The following CFH variants were observed in gnomAD, a reference collection of about 807,000 sequenced individuals.
CFH encodes complement factor H, also known as H factor 1 (complement).
CFH carries 53 observed loss-of-function variants against 147.3 expected under a neutral mutation model. That is an observed-to-expected ratio of 0.36 (90% CI 0.29 to 0.45). CFH has a LOEUF of 0.45. CFH is among the 20% of genes least tolerant of loss of function. The pLI, the probability that CFH is intolerant of heterozygous loss-of-function variation, is 1.00. For missense variants in CFH, 1,380 were observed against 1,498.0 expected, an observed-to-expected ratio of 0.92 and a Z score of 1.30; for synonymous variants, 536 against 489.4, an observed-to-expected ratio of 1.10 and a Z score of -1.26.
intron 1 of CFH, among the ~76,000 whole-genome samples, chr1:196,661,510 T>C (rs892234359): frequency 3.9e-5 from 6 of 152,218 alleles, no homozygotes; most frequent in African/African-American, 1.2e-4. Flanking sequence ...CTCTGGTTCA[T>C]AGACAGTGCC....
At chr1:196,673,831 A>G in intron 2 of CFH, 26 bp from the exon 3 acceptor site, 2 of 1,421,430 alleles carry the variant, frequency 1.4e-6, no homozygotes, top group South Asian at 2.3e-5. Flanking sequence ...TTACATACTA[A>G]TTCATAACTT....
At chr1:196,735,990 A>G (rs1669393366) in intron 15 of CFH, among the ~76,000 whole-genome samples, 1 of 152,024 alleles carries the variant, frequency 6.6e-6, no homozygotes. Flanking sequence ...ATGATAGGAG[A>G]AAGGAAAATC....
In CFH at chr1:196,743,499, T is replaced by G. The variant is rs1558185764; in HGVS notation, c.3181T>G (p.Ser1061Ala). The G allele has an allele frequency of 1.9e-6, 3 of 1,614,086 alleles. No homozygotes were observed. Among genetic ancestry groups the G allele is most frequent in the Non-Finnish European group, 2.5e-6 (3 of 1,179,946 alleles). Reference sequence around the variant, plus strand: ...CACAGTACAAAATGCTTATATAGTGTCGAGACAGATGAGTAAATATCCATC... The same window carrying G: ...CACAGTACAAAATGCTTATATAGTGGCGAGACAGATGAGTAAATATCCATC... The part of the protein sequence containing the change: ...PPTVQNAYIV[S>A]RQMSKYPSGE... Residue 1061 changes from serine (S) to alanine (A), a missense_variant, in exon 20 of 22, where the codon TCG becomes GCG. Transcript: ENST00000367429.
At chr1:196,726,378 T>A in intron 12 of CFH, 92 bp from the exon 13 acceptor site, 1 of 980,442 alleles carries the variant, frequency 1.0e-6, no homozygotes, top group South Asian at 1.4e-5. Flanking sequence ...GAAGAATACA[T>A]GAATAAAAGA....
intron 5 of CFH, 54 bp from the exon 6 acceptor site, chr1:196,679,567 GGT>G (rs1667579184): frequency 1.5e-6 from 2 of 1,291,714 alleles, no homozygotes; most frequent in Non-Finnish European, 1.1e-6. Flanking sequence ...ATTATGTCCT[GGT>G]CACAGTCCTT....
intron 7 of CFH, among the ~76,000 whole-genome samples, chr1:196,685,516 A>C (rs1667795496): frequency 6.6e-6 from 1 of 152,138 alleles, no homozygotes; most frequent in Non-Finnish European, 1.5e-5. Context: ...TCTAACACAT[A>C]CTATATTAGT....
At chr1:196,658,542 G>A (rs1309966933) in intron 1 of CFH, among the ~76,000 whole-genome samples, 1 of 151,044 alleles carries the variant, frequency 6.6e-6, no homozygotes, top group Non-Finnish European at 1.5e-5. Context: ...CTCCCGAGTA[G>A]CTGGGACTAC....
chr1:196,685,183 G>A lies in CFH; in HGVS notation c.910G>A (p.Gly304Arg). ...AAATGGTTTTTATCCTGCAACCCGG[G>A]GAAATACAGCAAAATGCACAAGTAC... ...CRNGFYPATR[G>R]NTAKCTSTGW... The change falls in exon 7 of 22, where the codon GGA (glycine) becomes AGA (arginine). Residue 304 changes from glycine to arginine, a missense_variant. This residue lies in a region of CFH where 167 missense variants were observed against 228.0 expected (regional missense o/e 0.73). Transcript: ENST00000367429. The A allele has an allele frequency of 1.2e-6, 2 of 1,612,860 alleles. No homozygotes were observed. Among genetic ancestry groups the A allele is most frequent in the South Asian group, 1.1e-5 (1 of 91,068 alleles).
intron 20 of CFH, among the ~76,000 whole-genome samples, chr1:196,744,633 G>A (rs1414331853): frequency 3.3e-5 from 5 of 152,014 alleles, no homozygotes; most frequent in Admixed American, 6.6e-5. Flanking sequence ...CACTCTCCAC[G>A]TTGTAAGTAT....
chr1:196,708,850 T>C (rs1668656915), intron 9 of CFH, among the ~76,000 whole-genome samples: 1 of 152,154 alleles, frequency 6.6e-6, no homozygotes, highest in African/African-American at 2.4e-5. Flanking sequence ...TATATCAATA[T>C]ATCTGGTGGC....
At chr1:196,654,826 T>C (rs1312053863) in intron 1 of CFH, among the ~76,000 whole-genome samples, 2 of 152,110 alleles carry the variant, frequency 1.3e-5, no homozygotes, top group Admixed American at 6.6e-5. Context: ...TGGATTCCAT[T>C]ACAGTCAGAG....
intron 15 of CFH, among the ~76,000 whole-genome samples, chr1:196,731,624 G>T (rs1011251022): frequency 3.3e-5 from 5 of 151,806 alleles, no homozygotes; most frequent in Admixed American, 6.6e-5. Flanking sequence ...TTACTAATTA[G>T]CATCCTCTTC....
At chr1:196,680,831 AC>A (rs1207708386) in intron 6 of CFH, among the ~76,000 whole-genome samples, 2 of 151,910 alleles carry the variant, frequency 1.3e-5, no homozygotes, top group Non-Finnish European at 2.9e-5. Context: ...TTAATTTTAT[AC>A]ACTAAAAAAA....
intron 15 of CFH, among the ~76,000 whole-genome samples, chr1:196,732,876 A>C (rs1181764046): frequency 6.6e-6 from 1 of 152,058 alleles, no homozygotes; most frequent in East Asian, 1.9e-4. Context: ...TCTGTATTAC[A>C]CCAAGTAAAG....
At position 196,677,624 on chromosome 1, in the gene CFH, T is replaced by C. The variant is rs766942002; in HGVS notation, c.576T>C (p.Cys192=). ...TTGAAGGAGATGAAGAAATGCATTG[T>C]TCAGACGATGGTTTTTGGAGTAAAG... is the stretch of plus-strand genomic sequence containing the variant. ...YKIEGDEEMH[C]SDDGFWSKEK... Residue 192 remains cysteine (C), a synonymous_variant, in exon 5 of 22, where the codon TGT becomes TGC. Transcript: ENST00000367429. 1.2e-6 allele frequency: 2 copies of C among 1,613,202 alleles called. No individual in the cohort carries two copies. Among genetic ancestry groups the C allele is most frequent in the South Asian group, 2.2e-5 (2 of 91,064 alleles).
intron 1 of CFH, among the ~76,000 whole-genome samples, chr1:196,663,916 C>T (rs1007082359): frequency 1.3e-5 from 2 of 152,168 alleles, no homozygotes; most frequent in Non-Finnish European, 2.9e-5. Context: ...ATGGTGAATG[C>T]CCACAGTGCA....
chr1:196,736,863 C>A lies in CFH; in HGVS notation c.2453C>A (p.Pro818His). 2 of 1,570,648 alleles carry A rather than the reference C, an allele frequency of 1.3e-6. No individual in the cohort carries two copies. The highest frequency in any genetic ancestry group is 1.8e-5 in the Admixed American group (1 of 56,500). ...TTATGCCCACCTCCACCTCAGATTC[C>A]CAATTCTCACAATATGACAACCACA... ...IQLCPPPPQIPNSHNMTTTLN... is the reference protein window; with the variant it reads ...IQLCPPPPQIHNSHNMTTTLN... The change falls in exon 16 of 22, where the codon CCC (proline) becomes CAC (histidine). Residue 818 changes from proline (P) to histidine (H), a missense_variant. Pro to His is a moderately conservative substitution (Grantham distance 77). This residue lies in a region of CFH where 830 missense variants were observed against 821.4 expected (regional missense o/e 1.01). Coordinates refer to ENST00000367429, the MANE Select transcript of CFH (RefSeq NM_000186.4).
intron 9 of CFH, among the ~76,000 whole-genome samples, chr1:196,690,834 T>C (rs531851743): frequency 2.0e-5 from 3 of 152,240 alleles, no homozygotes; most frequent in African/African-American, 7.2e-5. Context: ...CCTAATCTTA[T>C]TAATCAAATG....
intron 10 of CFH, 64 bp from the exon 11 acceptor site, chr1:196,715,529 G>A (rs1273606279): frequency 1.0e-5 from 13 of 1,293,808 alleles, no homozygotes; most frequent in Admixed American, 3.4e-5. Context: ...TCTTAGAATG[G>A]GAAATACTCA....
Sources: allele counts gnomAD v4.1 joint callset (sites outside exome capture counted in the v4.1 genomes callset), GRCh38; gene constraint gnomAD v4.1.1; regional missense constraint gnomAD v4.1.1; transcripts MANE v1.5; gene names NCBI Gene and HGNC (gene_info 2026-07-23, HGNC 2026-07-21).